The following MTUS1 variants were observed in gnomAD, a reference collection of about 807,000 sequenced individuals.
The protein encoded by MTUS1 is microtubule associated scaffold protein 1.
Under a neutral mutation model 120.8 loss-of-function variants are expected in MTUS1, and 109 were observed. The ratio of observed to expected loss-of-function variants is 0.90; its 90% CI spans 0.77 to 1.06. MTUS1 has a LOEUF of 1.06. Among genes scored for constraint, MTUS1 ranks in the 50% least tolerant of loss-of-function variants. MTUS1 has a pLI of 0.00. For synonymous variants in MTUS1, 737 were observed against 550.5 expected (o/e 1.34, Z -4.74); for missense variants, 2,210 against 1,486.3 (o/e 1.49, Z -8.01).
chr8:17,712,323 A>G (rs1821470848), intron 6 of MTUS1, among the ~76,000 whole-genome samples: 1 of 152,016 alleles, frequency 6.6e-6, no homozygotes, highest in Admixed American at 6.6e-5. Context: ...TTATCTATCT[A>G]GAGAGATCAA....
At chr8:17,746,936 C>A (rs2047798735) in intron 2 of MTUS1, among the ~76,000 whole-genome samples, 1 of 152,168 alleles carries the variant, frequency 6.6e-6, no homozygotes, top group African/African-American at 2.4e-5. Flanking sequence ...CATACCCAGG[C>A]ACCCAACTTC....
At chr8:17,693,425 C>T (rs1817342597) in intron 6 of MTUS1, 1 of 152,086 alleles carries the variant, frequency 6.6e-6, no homozygotes, top group Non-Finnish European at 1.5e-5. Context: ...TGGATACCAC[C>T]CAGTAATAAT....
intron 6 of MTUS1, among the ~76,000 whole-genome samples, chr8:17,711,187 A>G (rs188465592): frequency 1.3e-5 from 2 of 152,354 alleles, no homozygotes; most frequent in South Asian, 2.1e-4. Context: ...TTAGCTTCTA[A>G]TAAGACAGCT....
chr8:17,746,294 T>C (rs1423199081), intron 2 of MTUS1, among the ~76,000 whole-genome samples: 1 of 152,186 alleles, frequency 6.6e-6, no homozygotes, highest in Non-Finnish European at 1.5e-5. Flanking sequence ...CTCTCCTGAG[T>C]TTCCCATATA....
At chr8:17,673,935 A>G (rs1812538046) in intron 8 of MTUS1, among the ~76,000 whole-genome samples, 1 of 152,194 alleles carries the variant, frequency 6.6e-6, no homozygotes, top group African/African-American at 2.4e-5. Flanking sequence ...GTTACCTTGC[A>G]TTATTCATAC....
chr8:17,673,833 T>A (rs1413656351), intron 8 of MTUS1, among the ~76,000 whole-genome samples: 1 of 152,084 alleles, frequency 6.6e-6, no homozygotes, highest in African/African-American at 2.4e-5. Context: ...AGTGTTCAAA[T>A]CCAGCAAATC....
intron 2 of MTUS1, among the ~76,000 whole-genome samples, chr8:17,750,921 C>T (rs1370668170): frequency 1.3e-5 from 2 of 152,200 alleles, no homozygotes; most frequent in Non-Finnish European, 2.9e-5. Flanking sequence ...TCTAAAGATT[C>T]AGATACACCC....
At chr8:17,763,080 C>A (rs1332272837) in intron 1 of MTUS1, among the ~76,000 whole-genome samples, 2 of 152,104 alleles carry the variant, frequency 1.3e-5, no homozygotes, top group Admixed American at 6.6e-5. Flanking sequence ...CAACCTCCCC[C>A]TCCCGTGTTC....
chr8:17,777,664 C>T (rs750306850), intron 1 of MTUS1, among the ~76,000 whole-genome samples: 4 of 152,084 alleles, frequency 2.6e-5, no homozygotes, highest in African/African-American at 4.8e-5. Flanking sequence ...TGAGAACCTG[C>T]CAGACACTAA....
In MTUS1 at chr8:17,799,955, G is replaced by C. The variant is rs535011463; in HGVS notation, c.-155+1106C>G. ...ATTGCCTATGAAAAAAAAAAAATCT[G>C]TAACAGCACTTTCTACACTGTAAAG... On this transcript the variant is annotated intron_variant, in intron 1 of 14. Coordinates refer to ENST00000693296, the MANE Select transcript of MTUS1 (RefSeq NM_001363059.2). Among the ~76,000 whole-genome samples, 21 of 151,310 alleles carry C rather than the reference G, an allele frequency of 1.4e-4. 1 individual carries two copies. The highest frequency in any genetic ancestry group is 2.7e-4 in the Non-Finnish European group (18 of 67,884).
At position 17,742,809 on chromosome 8, in the gene MTUS1, T is replaced by C. The variant is rs558219267; in HGVS notation, c.2287+795A>G. Among the ~76,000 whole-genome samples the C allele has an allele frequency of 1.8e-4, 27 of 152,348 alleles. No homozygotes were observed. The South Asian group carries it at 5.2e-3, about 29-fold the overall frequency. On this transcript the variant is annotated intron_variant, in intron 3 of 14. Coordinates refer to ENST00000693296, the MANE Select transcript of MTUS1 (RefSeq NM_001363059.2). Reference sequence around the variant, plus strand: ...ATTTGCTCGCTTTCATTAGTTTCCATAAAACATTCTCACGTGTGTGGACAC... The same window carrying C: ...ATTTGCTCGCTTTCATTAGTTTCCACAAAACATTCTCACGTGTGTGGACAC...
intron 1 of MTUS1, among the ~76,000 whole-genome samples, chr8:17,779,173 C>A (rs1478827856): frequency 1.3e-5 from 2 of 152,190 alleles, no homozygotes; most frequent in Admixed American, 6.5e-5. Flanking sequence ...CTAAATGTGT[C>A]ATTACAGCAG....
intron 3 of MTUS1, among the ~76,000 whole-genome samples, chr8:17,726,900 G>C (rs2046263281): frequency 6.6e-6 from 1 of 152,158 alleles, no homozygotes. Context: ...CTACATTTTG[G>C]AAATCAGCTT....
chr8:17,689,165 C>G (rs1005442631), intron 6 of MTUS1, among the ~76,000 whole-genome samples: 2 of 152,104 alleles, frequency 1.3e-5, no homozygotes, highest in Non-Finnish European at 2.9e-5. Flanking sequence ...GAGCCGAGAT[C>G]ACGCCACTGC....
intron 8 of MTUS1, among the ~76,000 whole-genome samples, chr8:17,658,488 G>C (rs1004338625): frequency 6.6e-5 from 10 of 152,110 alleles, no homozygotes; most frequent in African/African-American, 2.2e-4. Context: ...CCTGACTTTG[G>C]ACATTCCCAG....
chr8:17,773,021 G>A (rs2050131697), intron 1 of MTUS1, among the ~76,000 whole-genome samples: 1 of 152,114 alleles, frequency 6.6e-6, no homozygotes, highest in Admixed American at 6.6e-5. Context: ...TATTGTTCAT[G>A]CAATATACAC....
At chr8:17,665,382 T>C (rs950897223) in intron 8 of MTUS1, among the ~76,000 whole-genome samples, 1 of 152,222 alleles carries the variant, frequency 6.6e-6, no homozygotes, top group Non-Finnish European at 1.5e-5. Context: ...TAAAACTCAG[T>C]TCATACTTTA....
intron 1 of MTUS1, among the ~76,000 whole-genome samples, chr8:17,764,214 T>C (rs922010405): frequency 6.6e-5 from 10 of 152,256 alleles, no homozygotes; most frequent in African/African-American, 2.4e-4. Context: ...TACAGGCCTG[T>C]GCTTGTTTAA....
At chr8:17,653,809 C>A in intron 10 of MTUS1, 1 of 252,160 alleles carries the variant, frequency 4.0e-6, no homozygotes, top group Non-Finnish European at 7.4e-6. Flanking sequence ...AATGCCACTC[C>A]AGACTCCTGG....
Sources: allele counts gnomAD v4.1 joint callset (sites outside exome capture counted in the v4.1 genomes callset), GRCh38; gene constraint gnomAD v4.1.1; transcripts MANE v1.5; gene names NCBI Gene and HGNC (gene_info 2026-07-23, HGNC 2026-07-21).